Variants in RBM39 observed in about 807,000 individuals in gnomAD.
RBM39 encodes the protein RNA binding motif protein 39, also known as RNA-binding protein 39.
RBM39 carries 12 observed loss-of-function variants against 79.6 expected under a neutral mutation model. The ratio of observed to expected loss-of-function variants is 0.15; its 90% CI spans 0.10 to 0.24. The LOEUF (loss-of-function observed/expected upper bound fraction) is 0.24. Among genes scored for constraint, RBM39 ranks in the 10% least tolerant of loss-of-function variants. The pLI, the probability that RBM39 is intolerant of heterozygous loss-of-function variation, is 1.00. For missense variants in RBM39, 243 were observed against 653.4 expected, an observed-to-expected ratio of 0.37 and a Z score of 6.85; for synonymous variants, 185 against 208.4, an observed-to-expected ratio of 0.89 and a Z score of 0.97.
At chr20:35,707,399 C>T (rs1265432481) in intron 13 of RBM39, 198 bp from the exon 14 acceptor site, 1 of 371,360 alleles carries the variant, frequency 2.7e-6, no homozygotes, top group Non-Finnish European at 4.9e-6. Flanking sequence ...TAACCTAATA[C>T]TTGAAACAGA....
Position 35,738,950 on chromosome 20 carries a change from C to A in RBM39, c.101+18G>T, listed in dbSNP as rs2040260654. On this transcript the variant is annotated intron_variant, in intron 3 of 16. Coordinates refer to ENST00000253363, the MANE Select transcript of RBM39 (RefSeq NM_184234.3). ...AAAAAGCTCACCACCCTCCCCCAAGCCCCTTCTTAAAACTCACTTTTTGCT... is the reference window on the plus strand; with the variant it reads ...AAAAAGCTCACCACCCTCCCCCAAGACCCTTCTTAAAACTCACTTTTTGCT... The A allele has an allele frequency of 6.2e-7, 1 of 1,604,080 alleles. No individual in the cohort carries two copies. Among genetic ancestry groups the A allele is most frequent in the East Asian group, 2.2e-5 (1 of 44,836 alleles).
intron 12 of RBM39, 45 bp downstream of exon 12, chr20:35,712,973 AT>A: frequency 1.3e-6 from 2 of 1,541,994 alleles, no homozygotes; most frequent in Non-Finnish European, 1.8e-6. Flanking sequence ...AAATTTTCGA[AT>A]TAGATGAAAA....
At chr20:35,729,712 T>C (rs1166554477) in intron 4 of RBM39, among the ~76,000 whole-genome samples, 185 bp from the exon 5 acceptor site, 1 of 152,160 alleles carries the variant, frequency 6.6e-6, no homozygotes, top group African/African-American at 2.4e-5. Flanking sequence ...TATTTATCCA[T>C]CCTGGACCAC....
At chr20:35,705,406 T>TTAAA in intron 14 of RBM39, 76 bp from the exon 15 acceptor site, 1 of 823,356 alleles carries the variant, frequency 1.2e-6, no homozygotes, top group Non-Finnish European at 1.9e-6. Context: ...ATCAAAAAAT[T>TTAAA]TAAATATTCT....
Position 35,740,450 on chromosome 20 carries a change from C to G in RBM39, c.51+374G>C, listed in dbSNP as rs776405965. On this transcript the variant is annotated intron_variant, in intron 2 of 16. Transcript: ENST00000253363. ...ACATTCACCTTTTTGCTATACCAAA[C>G]TGGAGGTGGTAATTCTTAGTTGAGT... 3.3e-6 allele frequency: 3 copies of G among 899,296 alleles called. 1 individual carries two copies. Among genetic ancestry groups the G allele is most frequent in the Non-Finnish European group, 4.8e-6 (3 of 626,952 alleles). 55.7% of individuals were successfully genotyped at this position (899,296 alleles called of 1,614,324 possible).
intron 14 of RBM39, among the ~76,000 whole-genome samples, chr20:35,705,590 G>C (rs1001800633): frequency 2.0e-5 from 3 of 151,968 alleles, no homozygotes; most frequent in African/African-American, 7.3e-5. Context: ...CAGAGATCAG[G>C]AGTTTGAGAC....
chr20:35,706,029 C>T lies in RBM39; in HGVS notation c.1308-699G>A, dbSNP rs191260875. 1.4e-3 allele frequency among the ~76,000 whole-genome samples: 216 copies of T among 152,170 alleles called. 1 individual carries two copies. Among genetic ancestry groups the T allele is most frequent in the Non-Finnish European group, 2.6e-3 (179 of 68,014 alleles). On this transcript the variant is annotated intron_variant, in intron 14 of 16. Transcript: ENST00000253363. ...CCAGCCTGGCCAACATGGCGAAACC[C>T]CAGCTCTACTATAAAAATACAAAAA... is the stretch of plus-strand genomic sequence containing the variant.
Position 35,704,486 on chromosome 20 carries a change from G to A in RBM39, c.1588C>T (p.Arg530Ter), listed in dbSNP as rs1419181607. 3.1e-6 allele frequency: 5 copies of A among 1,603,360 alleles called. No individual in the cohort carries two copies. Among genetic ancestry groups the A allele is most frequent in the Non-Finnish European group, 2.6e-6 (3 of 1,171,386 alleles). ...TATQLLVPSR[R>*] Reference sequence around the variant, plus strand: ...ATAAGGGACTATATCTTCCTTCATCGTCTACTTGGAACCAGTAGCTGTGTT... The same window carrying A: ...ATAAGGGACTATATCTTCCTTCATCATCTACTTGGAACCAGTAGCTGTGTT... Residue 530 changes from arginine (R) to a stop codon, truncating the protein, a stop_gained, in exon 17 of 17, where the codon CGA (arginine) becomes TGA (stop). Transcript: ENST00000253363. LOFTEE classifies it high-confidence loss of function.
chr20:35,721,965 G>C, intron 8 of RBM39, 88 bp from the exon 9 acceptor site: 1 of 1,440,282 alleles, frequency 6.9e-7, no homozygotes, highest in South Asian at 1.2e-5. Flanking sequence ...TAATGTTAAA[G>C]TTTAGAGTGA....
At chr20:35,728,339 A>T (rs1251469624) in intron 6 of RBM39, among the ~76,000 whole-genome samples, 1 of 152,260 alleles carries the variant, frequency 6.6e-6, no homozygotes, top group Non-Finnish European at 1.5e-5. Context: ...TAACACGAAT[A>T]AGCTAATTAC....
At chr20:35,719,976 T>C in intron 9 of RBM39, 1 of 273,944 alleles carries the variant, frequency 3.7e-6, no homozygotes, top group South Asian at 2.8e-5. Context: ...AGAGACAAGG[T>C]TTTACCACGT....
At chr20:35,716,671 T>G (rs2037173765) in intron 10 of RBM39, 69 bp downstream of exon 10, 1 of 965,780 alleles carries the variant, frequency 1.0e-6, no homozygotes, top group Non-Finnish European at 1.6e-6. Flanking sequence ...GAGACTAATC[T>G]GAGCAACACA....
intron 5 of RBM39, 39 bp from the exon 6 acceptor site, chr20:35,729,404 T>C: frequency 1.2e-6 from 2 of 1,605,114 alleles, no homozygotes; most frequent in Non-Finnish European, 1.7e-6. Context: ...TCCAAACAAG[T>C]ACAGCATGTT....
chr20:35,718,823 A>G lies in RBM39; in HGVS notation c.826-2018T>C, dbSNP rs541774089. Among the ~76,000 whole-genome samples the G allele has an allele frequency of 2.3e-4, 35 of 150,648 alleles. No individual in the cohort carries two copies. The East Asian group carries it at 6.4e-3, about 28-fold the overall frequency. ...AGCAATACTCCATCTCAAAAAAAAA[A>G]AAAAAAAAAAAAAGCCAGGCATGGC... is the stretch of plus-strand genomic sequence containing the variant. On this transcript the variant is annotated intron_variant, in intron 9 of 16. Transcript: ENST00000253363.
At position 35,742,006 on chromosome 20, in the gene RBM39, TGCTGC is replaced by T; in HGVS notation, c.-84_-80del. Reference sequence around the variant, plus strand: ...AAGAGATTGCTGCTGCTGCTGCTGCTGCTGCCGCCGCCGCCGCTTCTGTTGCTACT... The same window carrying T: ...AAGAGATTGCTGCTGCTGCTGCTGCTCGCCGCCGCCGCTTCTGTTGCTACT... On this transcript the variant is annotated 5_prime_UTR_variant, in exon 1 of 17. Transcript: ENST00000253363. 1.2e-5 allele frequency: 3 copies of T among 240,098 alleles called. No individual in the cohort carries two copies. The highest frequency in any genetic ancestry group is 2.4e-5 in the Non-Finnish European group (3 of 123,454). 14.9% of individuals were successfully genotyped at this position (240,098 alleles called of 1,614,324 possible).
At chr20:35,719,851 C>T (rs903782078) in intron 9 of RBM39, among the ~76,000 whole-genome samples, 5 of 151,928 alleles carry the variant, frequency 3.3e-5, no homozygotes, top group South Asian at 2.1e-4. Context: ...GGCGTGATCT[C>T]GGCTCACTGC....
intron 9 of RBM39, among the ~76,000 whole-genome samples, chr20:35,717,648 CAA>C (rs1390130669): frequency 6.6e-6 from 1 of 152,172 alleles, no homozygotes; most frequent in Non-Finnish European, 1.5e-5. Context: ...AACTGTAACA[CAA>C]TCTCCTGATT....
intron 8 of RBM39, among the ~76,000 whole-genome samples, chr20:35,724,204 C>T (rs182172335): frequency 1.2e-4 from 18 of 152,086 alleles, no homozygotes; most frequent in Admixed American, 5.9e-4. Flanking sequence ...TGGTGGCAGG[C>T]TCCTGTAATC....
Position 35,725,117 on chromosome 20 carries a change from G to T in RBM39, c.455C>A (p.Ala152Glu). The T allele has an allele frequency of 6.2e-7, 1 of 1,611,074 alleles. No homozygotes were observed. Among genetic ancestry groups the T allele is most frequent in the Non-Finnish European group, 8.5e-7 (1 of 1,179,322 alleles). The change falls in exon 7 of 17, where the codon GCA becomes GAA. Residue 152 changes from alanine to glutamate, a missense_variant. Physicochemically the swap from Ala to Glu is moderately radical, Grantham distance 107 (BLOSUM62 -1). This residue lies in a region of RBM39 where 61 missense variants were observed against 322.9 expected (regional missense o/e 0.19). Coordinates refer to ENST00000253363, the MANE Select transcript of RBM39 (RefSeq NM_184234.3). ...CAGCTGCATACAGAAGACTGTCCTT[G>T]CATCTCTTTCCTCAGGAGTTAAATT... Reference protein sequence around the residue: ...IDNLTPEERDARTVFCMQLAA... With the variant: ...IDNLTPEERDERTVFCMQLAA...
Sources: allele counts gnomAD v4.1 joint callset (sites outside exome capture counted in the v4.1 genomes callset), GRCh38; gene constraint gnomAD v4.1.1; regional missense constraint gnomAD v4.1.1; transcripts MANE v1.5; gene names NCBI Gene and HGNC (gene_info 2026-07-23, HGNC 2026-07-21).